Variants in NSMCE2 observed in about 807,000 individuals in gnomAD.
NSMCE2 encodes NSE2 SUMO ligase component of SMC5/6 complex.
In NSMCE2, 24 loss-of-function variants were observed where a neutral mutation model predicts 23.8. The observed-to-expected ratio is 1.01, with a 90% CI of 0.73 to 1.42. NSMCE2 has a LOEUF of 1.42. NSMCE2 is among the 40% of genes most tolerant of loss of function. The pLI is 0.00. For synonymous variants in NSMCE2, 92 were observed against 94.1 expected (o/e 0.98, Z 0.13); for missense variants, 284 against 296.5 (o/e 0.96, Z 0.31).
intron 5 of NSMCE2, among the ~76,000 whole-genome samples, chr8:125,203,810 G>A (rs183648329): frequency 6.6e-6 from 1 of 152,086 alleles, no homozygotes; most frequent in Non-Finnish European, 1.5e-5. Context: ...GTTGTTGAAA[G>A]GTTTTTAGTA....
intron 5 of NSMCE2, among the ~76,000 whole-genome samples, chr8:125,201,739 G>T (rs1486291558): frequency 6.6e-6 from 1 of 152,194 alleles, no homozygotes; most frequent in African/African-American, 2.4e-5. Flanking sequence ...TGTCAGACAG[G>T]GACGTTTAAG....
chr8:125,134,171 C>A (rs1819932841), intron 3 of NSMCE2, among the ~76,000 whole-genome samples: 1 of 152,152 alleles, frequency 6.6e-6, no homozygotes, highest in African/African-American at 2.4e-5. Flanking sequence ...TGTAAAAAAT[C>A]TGTATTGATG....
chr8:125,185,600 C>G (rs893306634), intron 5 of NSMCE2, among the ~76,000 whole-genome samples: 1 of 152,204 alleles, frequency 6.6e-6, no homozygotes, highest in East Asian at 1.9e-4. Context: ...GCCACTGCAC[C>G]TGGTCACATT....
chr8:125,358,410 G>C (rs1187780508), intron 7 of NSMCE2, among the ~76,000 whole-genome samples: 1 of 150,458 alleles, frequency 6.6e-6, no homozygotes, highest in African/African-American at 2.4e-5. Flanking sequence ...AAGTTTTGCA[G>C]AATCTTTATA....
intron 5 of NSMCE2, among the ~76,000 whole-genome samples, chr8:125,296,659 G>A (rs950741594): frequency 1.3e-5 from 2 of 152,294 alleles, no homozygotes; most frequent in East Asian, 3.9e-4. Context: ...GCCTCCCAAA[G>A]TGCTGGGATT....
At chr8:125,278,614 C>T (rs1208596029) in intron 5 of NSMCE2, among the ~76,000 whole-genome samples, 3 of 152,124 alleles carry the variant, frequency 2.0e-5, no homozygotes, top group Non-Finnish European at 4.4e-5. Context: ...GAGGTGTTTC[C>T]TCAGCAATGA....
chr8:125,182,499 AT>A, intron 5 of NSMCE2: 1 of 551,698 alleles, frequency 1.8e-6, no homozygotes, highest in Non-Finnish European at 3.2e-6. Context: ...GCAGCTAGTT[AT>A]GTGTATTGTC....
chr8:125,121,746 A>T (rs1364599740), intron 3 of NSMCE2, among the ~76,000 whole-genome samples: 2 of 152,156 alleles, frequency 1.3e-5, no homozygotes, highest in Non-Finnish European at 2.9e-5. Flanking sequence ...TAAATGCCTT[A>T]TGTGTATTCA....
chr8:125,316,779 C>CTCTCTCTT (rs1563780431), intron 5 of NSMCE2, among the ~76,000 whole-genome samples: 1 of 140,784 alleles, frequency 7.1e-6, no homozygotes, highest in African/African-American at 2.7e-5. Flanking sequence ...TTCTCTCTCT[C>CTCTCTCTT]TCTTTCTTTC....
chr8:125,242,992 C>T (rs1825816583), intron 5 of NSMCE2, among the ~76,000 whole-genome samples: 1 of 152,004 alleles, frequency 6.6e-6, no homozygotes, highest in South Asian at 2.1e-4. Flanking sequence ...ATAGAACACT[C>T]ACAATTCTCA....
chr8:125,266,880 A>G (rs1826937671), intron 5 of NSMCE2, among the ~76,000 whole-genome samples: 1 of 152,242 alleles, frequency 6.6e-6, no homozygotes, highest in Non-Finnish European at 1.5e-5. Flanking sequence ...AGAGATGTTC[A>G]GAATCACTAT....
intron 5 of NSMCE2, among the ~76,000 whole-genome samples, chr8:125,239,165 A>G (rs1033813597): frequency 6.6e-6 from 1 of 152,094 alleles, no homozygotes; most frequent in Non-Finnish European, 1.5e-5. Context: ...ATCAGTAGCT[A>G]CTCTGTAGAC....
intron 5 of NSMCE2, among the ~76,000 whole-genome samples, chr8:125,256,293 A>C (rs1420430225): frequency 6.6e-6 from 1 of 151,968 alleles, no homozygotes; most frequent in Non-Finnish European, 1.5e-5. Context: ...AAAAAAAAAA[A>C]AAAAACTAAC....
At chr8:125,242,591 T>A (rs1825803699) in intron 5 of NSMCE2, among the ~76,000 whole-genome samples, 1 of 152,000 alleles carries the variant, frequency 6.6e-6, no homozygotes. Flanking sequence ...AGGAGGACCC[T>A]GCCTGGAAAG....
intron 5 of NSMCE2, among the ~76,000 whole-genome samples, chr8:125,324,644 G>A (rs1248603776): frequency 2.1e-5 from 1 of 47,122 alleles, no homozygotes; most frequent in African/African-American, 4.2e-5. Context: ...GCGCAATCTC[G>A]GCTCACTGCA....
chr8:125,244,634 T>C (rs1328486238), intron 5 of NSMCE2, among the ~76,000 whole-genome samples: 1 of 152,118 alleles, frequency 6.6e-6, no homozygotes, highest in Non-Finnish European at 1.5e-5. Flanking sequence ...AACTAAAAAA[T>C]TTGGGGTGCT....
intron 4 of NSMCE2, among the ~76,000 whole-genome samples, chr8:125,154,671 G>A (rs1281133670): frequency 6.6e-6 from 1 of 152,118 alleles, no homozygotes; most frequent in Non-Finnish European, 1.5e-5. Context: ...ACTGCATTTA[G>A]ATCCTCAGAG....
At chr8:125,325,908 C>A (rs1367287196) in intron 5 of NSMCE2, among the ~76,000 whole-genome samples, 1 of 152,092 alleles carries the variant, frequency 6.6e-6, no homozygotes, top group African/African-American at 2.4e-5. Context: ...GCCAAGATTG[C>A]GGCACTGTAC....
At chr8:125,245,404 GAAAC>G (rs1390685276) in intron 5 of NSMCE2, among the ~76,000 whole-genome samples, 1 of 151,966 alleles carries the variant, frequency 6.6e-6, no homozygotes, top group East Asian at 1.9e-4. Context: ...ATTTAAAAAA[GAAAC>G]TTATCTATAA....
Sources: gnomAD v4.1 joint callset for allele counts (sites outside exome capture counted in the v4.1 genomes callset) on GRCh38, gnomAD v4.1.1 for gene constraint, MANE v1.5 for transcripts, NCBI Gene and HGNC (gene_info 2026-07-23, HGNC 2026-07-21) for gene names.